Variants in RALYL observed in about 807,000 individuals in gnomAD.
The protein encoded by RALYL is RALY RNA binding protein like, also known as RNA-binding Raly-like protein.
A neutral mutation model predicts 35.1 loss-of-function variants in RALYL; 29 were observed. The ratio of observed to expected loss-of-function variants is 0.83; its 90% CI spans 0.61 to 1.13. The LOEUF (loss-of-function observed/expected upper bound fraction) is 1.13, where lower values mean the gene tolerates loss of function less well. RALYL is among the 50% of genes most tolerant of loss of function. RALYL has a pLI of 0.00. For missense variants in RALYL, 359 were observed against 360.4 expected (o/e 1.00, Z 0.03); for synonymous variants, 120 against 127.6 (o/e 0.94, Z 0.40).
intron 1 of RALYL, among the ~76,000 whole-genome samples, chr8:84,470,519 G>A (rs930780562): frequency 9.2e-5 from 14 of 151,618 alleles, no homozygotes; most frequent in African/African-American, 3.1e-4. Context: ...GAACAAGAAA[G>A]GTATAAAATT....
Position 84,311,861 on chromosome 8 carries a change from A to G in RALYL, c.-24+127437A>G, listed in dbSNP as rs371404842. On this transcript the variant is annotated intron_variant, in intron 1 of 8. Coordinates refer to ENST00000521268, the MANE Select transcript of RALYL (RefSeq NM_173848.7). Reference sequence around the variant, plus strand: ...CAATACCAAAAACAATAACAGAAATAGAACAAATACATCAAGGAATTTAGT... The same window carrying G: ...CAATACCAAAAACAATAACAGAAATGGAACAAATACATCAAGGAATTTAGT... Among the ~76,000 whole-genome samples the G allele has an allele frequency of 3.9e-5, 6 of 152,330 alleles. No individual in the cohort carries two copies. In the East Asian group the frequency reaches 7.7e-4, roughly 20 times the overall value.
At chr8:84,502,377 C>G (rs1449733375) in intron 1 of RALYL, among the ~76,000 whole-genome samples, 2 of 151,938 alleles carry the variant, frequency 1.3e-5, no homozygotes, top group African/African-American at 4.8e-5. Flanking sequence ...AGAAGAAAGT[C>G]TATAAATCCC....
intron 2 of RALYL, among the ~76,000 whole-genome samples, chr8:84,716,385 A>G (rs914463161): frequency 6.6e-6 from 1 of 152,204 alleles, no homozygotes; most frequent in Non-Finnish European, 1.5e-5. Flanking sequence ...TCACAATTAC[A>G]TAAAAATAAA....
intron 2 of RALYL, among the ~76,000 whole-genome samples, chr8:84,684,210 A>G (rs1226966875): frequency 6.6e-6 from 1 of 152,226 alleles, no homozygotes; most frequent in Admixed American, 6.5e-5. Context: ...ACTTCACAAA[A>G]AAGACTTCAA....
chr8:84,239,601 C>T (rs950680723), intron 1 of RALYL, among the ~76,000 whole-genome samples: 2 of 152,088 alleles, frequency 1.3e-5, no homozygotes, highest in South Asian at 2.1e-4. Context: ...ATTAAGACAG[C>T]GTGGCTCGGT....
At chr8:84,515,060 A>T (rs1381975238) in intron 1 of RALYL, among the ~76,000 whole-genome samples, 2 of 152,220 alleles carry the variant, frequency 1.3e-5, no homozygotes, top group East Asian at 3.8e-4. Context: ...AGCCTATAAA[A>T]TCTACTTATG....
intron 1 of RALYL, among the ~76,000 whole-genome samples, chr8:84,442,310 G>T (rs2048409730): frequency 1.3e-5 from 2 of 151,986 alleles, no homozygotes; most frequent in African/African-American, 4.8e-5. Flanking sequence ...TTTTAAATTA[G>T]GATCAGTTTA....
At chr8:84,625,208 A>G (rs1319542002) in intron 2 of RALYL, among the ~76,000 whole-genome samples, 1 of 152,188 alleles carries the variant, frequency 6.6e-6, no homozygotes, top group Non-Finnish European at 1.5e-5. Context: ...TTATGAAACA[A>G]TCTCTACCCT....
chr8:84,649,856 A>G (rs1828339943), intron 2 of RALYL, among the ~76,000 whole-genome samples: 1 of 152,076 alleles, frequency 6.6e-6, no homozygotes, highest in Non-Finnish European at 1.5e-5. Flanking sequence ...CATTGAATCT[A>G]TAAATTACCT....
chr8:84,345,269 G>A (rs1390387864), intron 1 of RALYL, among the ~76,000 whole-genome samples: 1 of 151,860 alleles, frequency 6.6e-6, no homozygotes, highest in Admixed American at 6.6e-5. Flanking sequence ...ACCAACTATA[G>A]CCTCCTCTAT....
intron 1 of RALYL, among the ~76,000 whole-genome samples, chr8:84,186,813 A>G (rs1163944301): frequency 1.3e-5 from 2 of 152,134 alleles, no homozygotes; most frequent in African/African-American, 2.4e-5. Flanking sequence ...TATTACATTC[A>G]AATTTTTCAG....
chr8:84,815,352 AT>A (rs1175537400), intron 4 of RALYL, among the ~76,000 whole-genome samples: 9 of 148,938 alleles, frequency 6.0e-5, no homozygotes, highest in Admixed American at 2.0e-4. Context: ...ATAAATGTCT[AT>A]TTTTTAAATA....
At chr8:84,326,492 A>T (rs1287755445) in intron 1 of RALYL, among the ~76,000 whole-genome samples, 1 of 152,210 alleles carries the variant, frequency 6.6e-6, no homozygotes, top group African/African-American at 2.4e-5. Flanking sequence ...TACAATGGGT[A>T]GACAGTTGAA....
chr8:84,888,060 C>A (rs1476959067), intron 8 of RALYL, among the ~76,000 whole-genome samples: 1 of 152,178 alleles, frequency 6.6e-6, no homozygotes, highest in South Asian at 2.1e-4. Context: ...TGCTCCATTG[C>A]AAAAGGAACC....
intron 1 of RALYL, among the ~76,000 whole-genome samples, chr8:84,288,244 C>T (rs1563673457): frequency 6.6e-6 from 1 of 151,964 alleles, no homozygotes; most frequent in Non-Finnish European, 1.5e-5. Flanking sequence ...ATCCCGACAC[C>T]CAGGCCACAT....
chr8:84,188,678 G>A (rs1401864187), intron 1 of RALYL, among the ~76,000 whole-genome samples: 1 of 152,068 alleles, frequency 6.6e-6, no homozygotes, highest in Non-Finnish European at 1.5e-5. Flanking sequence ...CTGTTAACAA[G>A]TTTACATAAT....
chr8:84,461,354 G>A lies in RALYL; in HGVS notation c.-23-67945G>A, dbSNP rs139386716. Among the ~76,000 whole-genome samples the A allele has an allele frequency of 6.7e-4, 102 of 151,664 alleles. 1 individual carries two copies. The highest frequency in any genetic ancestry group is 2.3e-3 in the African/African-American group (94 of 41,478). ...CACTCATCTAAATTAAGAGAATATT[G>A]CAAGAATGAGGCTACAAGACAAATC... is the stretch of plus-strand genomic sequence containing the variant. On this transcript the variant is annotated intron_variant, in intron 1 of 8. Coordinates refer to ENST00000521268, the MANE Select transcript of RALYL (RefSeq NM_173848.7).
chr8:84,406,540 T>C (rs1380235622), intron 1 of RALYL, among the ~76,000 whole-genome samples: 1 of 151,874 alleles, frequency 6.6e-6, no homozygotes, highest in Non-Finnish European at 1.5e-5. Flanking sequence ...GATCAGAAAG[T>C]GCTGGGTAAG....
intron 2 of RALYL, among the ~76,000 whole-genome samples, chr8:84,644,948 C>G (rs1455593061): frequency 1.3e-5 from 2 of 151,836 alleles, no homozygotes; most frequent in Non-Finnish European, 2.9e-5. Flanking sequence ...GACAGTTTCC[C>G]CATGATGGCC....
Sources: gnomAD v4.1 joint callset for allele counts (sites outside exome capture counted in the v4.1 genomes callset) on GRCh38, gnomAD v4.1.1 for gene constraint, MANE v1.5 for transcripts, NCBI Gene and HGNC (gene_info 2026-07-23, HGNC 2026-07-21) for gene names.